MBP: variants seen among roughly 807,000 people sequenced by gnomAD.
MBP encodes the protein Golli-MBP.
Under a neutral mutation model 35.8 loss-of-function variants are expected in MBP, and 16 were observed. The observed-to-expected ratio is 0.45, with a 90% CI of 0.30 to 0.68. MBP has a LOEUF of 0.68. Ranked by LOEUF, MBP falls within the 30% of genes least tolerant of loss-of-function variation. The pLI, the probability that MBP is intolerant of heterozygous loss-of-function variation, is 0.08. For missense variants in MBP, 380 were observed against 404.7 expected, an observed-to-expected ratio of 0.94 and a Z score of 0.52; for synonymous variants, 143 against 159.6, an observed-to-expected ratio of 0.90 and a Z score of 0.78.
intron 1 of MBP, among the ~76,000 whole-genome samples, 191 bp downstream of exon 1, chr18:77,132,389 T>C (rs1115014): frequency 0.98 from 148,551 of 152,278 alleles, 72,550 homozygotes; most frequent in East Asian, 1. Context: ...GCCTAGGTTC[T>C]CCCTGCGCGT....
At chr18:77,112,815 C>G (rs1976516178) in intron 1 of MBP, 1 of 152,262 alleles carries the variant, frequency 6.6e-6, no homozygotes, top group South Asian at 2.1e-4. Flanking sequence ...GTCCTGACCC[C>G]AGGACCTGTG....
rs1049733066 is a variant in MBP, at chr18:77,044,591, C to T, written c.139+21707G>A. 6.6e-6 allele frequency among the ~76,000 whole-genome samples: 1 copy of T among 152,168 alleles called. No homozygotes were observed. Among genetic ancestry groups the T allele is most frequent in the Non-Finnish European group, 1.5e-5 (1 of 68,038 alleles). On this transcript the variant is annotated intron_variant, in intron 3 of 8. Transcript: ENST00000355994. This position sits in a 1 kb window ranked among gnomAD's most constrained non-coding sequence, Gnocchi z 4.4. ...CGCCTCCCTACCCCACCTCCCTCCT[C>T]GCACCTGGGACGCAGGTGCCCTCCG... is the stretch of plus-strand genomic sequence containing the variant.
At chr18:77,012,933 G>C in intron 4 of MBP, 1 of 985,320 alleles carries the variant, frequency 1.0e-6, no homozygotes, top group African/African-American at 1.7e-5. Context: ...CAAATGTATC[G>C]CTTATACAGA....
At chr18:77,031,484 T>C (rs1046111120) in intron 3 of MBP, among the ~76,000 whole-genome samples, 1 of 152,104 alleles carries the variant, frequency 6.6e-6, no homozygotes, top group African/African-American at 2.4e-5. Context: ...AGGCAGGGAG[T>C]ATTCCATTTG....
chr18:77,090,059 C>T (rs1424801150), intron 2 of MBP, among the ~76,000 whole-genome samples: 1 of 152,152 alleles, frequency 6.6e-6, no homozygotes, highest in Non-Finnish European at 1.5e-5. Context: ...AAGGCAGCGG[C>T]CTTCTGTGCA....
At chr18:77,046,131 AT>A (rs1295370175) in intron 3 of MBP, among the ~76,000 whole-genome samples, 2 of 152,242 alleles carry the variant, frequency 1.3e-5, no homozygotes, top group Non-Finnish European at 2.9e-5. Context: ...ACAGACATGA[AT>A]GTTGGTATTT....
At chr18:77,016,684 G>T in intron 4 of MBP, 148 bp downstream of exon 4, 1 of 1,444,586 alleles carries the variant, frequency 6.9e-7, no homozygotes, top group African/African-American at 1.4e-5. Context: ...CCACACTCTT[G>T]GGCTCATATG....
intron 4 of MBP, among the ~76,000 whole-genome samples, chr18:77,009,477 T>C (rs1971200445): frequency 6.6e-6 from 1 of 152,212 alleles, no homozygotes; most frequent in African/African-American, 2.4e-5. Context: ...CACGTGGCCA[T>C]AGACCAGGCC....
intron 1 of MBP, among the ~76,000 whole-genome samples, chr18:77,129,297 T>C (rs1242008283): frequency 6.6e-6 from 1 of 152,234 alleles, no homozygotes; most frequent in African/African-American, 2.4e-5. Context: ...CTTTAATGGC[T>C]ATTGAGTGTG....
intron 3 of MBP, among the ~76,000 whole-genome samples, chr18:77,052,442 A>G (rs1028934267): frequency 6.6e-6 from 1 of 152,150 alleles, no homozygotes; most frequent in South Asian, 2.1e-4. Context: ...GCCAGAGCCC[A>G]TCCCAGCTGC....
At chr18:77,060,754 T>C (rs994701127) in intron 3 of MBP, among the ~76,000 whole-genome samples, 1 of 152,178 alleles carries the variant, frequency 6.6e-6, no homozygotes, top group Admixed American at 6.5e-5. Flanking sequence ...CCCGGCCAAA[T>C]TGTTCTCTCA....
At chr18:77,112,446 C>T (rs568620312) in intron 1 of MBP, among the ~76,000 whole-genome samples, 3 of 152,338 alleles carry the variant, frequency 2.0e-5, no homozygotes, top group Admixed American at 6.5e-5. Context: ...TTTCCCAGCC[C>T]TCGTGCATAA....
At position 77,044,604 on chromosome 18, in the gene MBP, C is replaced by A. The variant is rs931718432; in HGVS notation, c.139+21694G>T. 1.3e-5 allele frequency among the ~76,000 whole-genome samples: 2 copies of A among 152,170 alleles called. No homozygotes were observed. The highest frequency in any genetic ancestry group is 4.8e-5 in the African/African-American group (2 of 41,436). The stretch of plus-strand genomic sequence containing the variant: ...CACCTCCCTCCTCGCACCTGGGACG[C>A]AGGTGCCCTCCGGTCACACCCTTCC... On this transcript the variant is annotated intron_variant, in intron 3 of 8. Transcript: ENST00000355994. The surrounding 1 kb of genome is among the most constrained non-coding windows in gnomAD (Gnocchi z 4.4).
chr18:77,008,134 C>T (rs565356702), intron 4 of MBP, among the ~76,000 whole-genome samples: 4 of 152,248 alleles, frequency 2.6e-5, no homozygotes, highest in African/African-American at 4.8e-5. Context: ...TACCTGCCAG[C>T]GCGTCACACA....
intron 3 of MBP, among the ~76,000 whole-genome samples, chr18:77,053,617 G>A (rs1406985654): frequency 1.3e-5 from 2 of 152,216 alleles, no homozygotes; most frequent in Non-Finnish European, 2.9e-5. Context: ...CACTTGCTGA[G>A]CTGTAGCATA....
At chr18:77,036,953 T>C (rs1235828829) in intron 3 of MBP, among the ~76,000 whole-genome samples, 207 of 16,724 alleles carry the variant, frequency 0.012, 30 homozygotes, top group Non-Finnish European at 0.014. Context: ...GGTCACATTT[T>C]GGAGACTGAG....
At chr18:77,106,654 G>A (rs557613751) in intron 1 of MBP, among the ~76,000 whole-genome samples, 22 of 152,302 alleles carry the variant, frequency 1.4e-4, no homozygotes, top group Admixed American at 3.3e-4. Flanking sequence ...CACAGATGAG[G>A]CTCTGCGAAA....
intron 3 of MBP, among the ~76,000 whole-genome samples, chr18:77,043,980 G>A (rs1276765320): frequency 6.6e-6 from 1 of 151,890 alleles, no homozygotes; most frequent in Non-Finnish European, 1.5e-5. Context: ...CCCAGCTGCC[G>A]TCCTGTGTCT....
At position 77,088,675 on chromosome 18, in the gene MBP, A is replaced by G. The variant is rs964669223; in HGVS notation, c.51+16536T>C. On this transcript the variant is annotated intron_variant, in intron 2 of 8. Coordinates refer to ENST00000355994, the MANE Select transcript of MBP (RefSeq NM_001025101.2). Reference sequence around the variant, plus strand: ...ATTTCTCTAAAACAAACTGGTTTTTATAATAATACAAAAGATCAGTAGGAT... The same window carrying G: ...ATTTCTCTAAAACAAACTGGTTTTTGTAATAATACAAAAGATCAGTAGGAT... 1.6e-4 allele frequency among the ~76,000 whole-genome samples: 24 copies of G among 152,010 alleles called. 1 individual carries two copies. Among genetic ancestry groups the G allele is most frequent in the Non-Finnish European group, 1.5e-5 (1 of 68,000 alleles).
Sources: gnomAD v4.1 joint callset for allele counts (sites outside exome capture counted in the v4.1 genomes callset) on GRCh38, gnomAD v4.1.1 for gene constraint, Gnocchi (gnomAD v3.1) non-coding constraint, MANE v1.5 for transcripts, NCBI Gene and HGNC (gene_info 2026-07-23, HGNC 2026-07-21) for gene names.